Variants in RSPH9 observed in about 807,000 individuals in gnomAD.
RSPH9 encodes radial spoke head component 9.
A neutral mutation model predicts 27.0 loss-of-function variants in RSPH9; 27 were observed. That is an observed-to-expected ratio of 1.00 (90% confidence interval 0.74 to 1.38). RSPH9 has a LOEUF of 1.38. Ranked by LOEUF, RSPH9 falls within the 40% of genes most tolerant of loss-of-function variation. RSPH9 has a pLI of 0.00. For synonymous variants in RSPH9, 145 were observed against 147.7 expected (o/e 0.98, Z 0.13); for missense variants, 347 against 357.4 (o/e 0.97, Z 0.24).
chr6:43,670,852 C>T lies in RSPH9; in HGVS notation c.734C>T (p.Pro245Leu), dbSNP rs894482674. The change falls in exon 5 of 5, where the codon CCG becomes CTG. Residue 245 changes from proline to leucine, a missense_variant. Coordinates refer to ENST00000372163, the MANE Select transcript of RSPH9 (RefSeq NM_152732.5). ...GTGGTGCTGCGCAGCCTGCTCTGGC[C>T]GGGCCTCACCTTCTACCATGCTCCC... is the stretch of plus-strand genomic sequence containing the variant. ...ALVVLRSLLW[P>L]GLTFYHAPRT... 8.7e-6 allele frequency: 14 copies of T among 1,614,074 alleles called. No individual in the cohort carries two copies. The highest frequency in any genetic ancestry group is 2.2e-5 in the East Asian group (1 of 44,886).
At chr6:43,656,017 C>CTTCCTTCCTTCT (rs1444706347) in intron 3 of RSPH9, among the ~76,000 whole-genome samples, 1 of 132,978 alleles carries the variant, frequency 7.5e-6, no homozygotes, top group African/African-American at 3.4e-5. Context: ...TCCTTCCTTC[C>CTTCCTTCCTTCT]TTCCTTCCTT....
At chr6:43,664,259 C>A (rs1028685015) in intron 4 of RSPH9, among the ~76,000 whole-genome samples, 10 of 152,052 alleles carry the variant, frequency 6.6e-5, no homozygotes, top group African/African-American at 2.4e-4. Flanking sequence ...TTATTTGAGA[C>A]GGAGTTTCTC....
intron 1 of RSPH9, 119 bp from the exon 2 acceptor site, chr6:43,650,256 A>G: frequency 1.7e-6 from 2 of 1,175,672 alleles, no homozygotes; most frequent in Non-Finnish European, 2.5e-6. Flanking sequence ...CATTGGGAGG[A>G]AAGGTGGCCA....
In RSPH9 at chr6:43,648,830, T is replaced by C. The variant is rs969491952; in HGVS notation, c.228-1545T>C. Among the ~76,000 whole-genome samples the C allele has an allele frequency of 3.9e-5, 6 of 152,104 alleles. No homozygotes were observed. In the South Asian group the frequency reaches 6.2e-4, roughly 16 times the overall value. ...GCTCTGGAAGGCAGGTGGGAAAGAT[T>C]GCAAAAAGAAAAGAGGGGTGAGAAT... is the stretch of plus-strand genomic sequence containing the variant. On this transcript the variant is annotated intron_variant, in intron 1 of 4. Transcript: ENST00000372163.
At position 43,645,104 on chromosome 6, in the gene RSPH9, C is replaced by G; in HGVS notation, c.6C>G (p.Asp2Glu). The change falls in exon 1 of 5, where the codon GAC becomes GAG. Residue 2 changes from aspartate (D) to glutamate (E), a missense_variant. By Grantham distance (45) the Asp-to-Glu change is conservative. Transcript: ENST00000372163. The stretch of plus-strand genomic sequence containing the variant: ...TGAGCGGAGCCGCTGACCTGATGGA[C>G]GCCGACAGCCTCCTGCTGTCTCTGG... Reference protein sequence around the residue: MDADSLLLSLEL... With the variant: MEADSLLLSLEL... 1 of 1,611,306 alleles carries G rather than the reference C, an allele frequency of 6.2e-7. No individual in the cohort carries two copies. The highest frequency in any genetic ancestry group is 1.3e-5 in the African/African-American group (1 of 75,064).
Position 43,671,963 on chromosome 6 carries a change from G to A in RSPH9, c.*1014G>A. 6.6e-7 allele frequency: 1 copy of A among 1,509,246 alleles called. No homozygotes were observed. Among genetic ancestry groups the A allele is most frequent in the South Asian group, 1.3e-5 (1 of 76,410 alleles). 93.5% of individuals were successfully genotyped at this position (1,509,246 alleles called of 1,614,324 possible). On this transcript the variant is annotated 3_prime_UTR_variant, in exon 5 of 5. Coordinates refer to ENST00000372163, the MANE Select transcript of RSPH9 (RefSeq NM_152732.5). ...GGGCTGGGGGCCCAAGCTGGACGTG[G>A]GAGAGTGGAGCACTACCTCCTCAGG...
At chr6:43,647,142 A>T (rs1395738082) in intron 1 of RSPH9, among the ~76,000 whole-genome samples, 1 of 136,120 alleles carries the variant, frequency 7.3e-6, no homozygotes, top group African/African-American at 2.5e-5. Flanking sequence ...ACAAATAAAT[A>T]AATAAATAAA....
chr6:43,671,145 G>C lies in RSPH9; in HGVS notation c.*196G>C. On this transcript the variant is annotated 3_prime_UTR_variant, in exon 5 of 5. Coordinates refer to ENST00000372163, the MANE Select transcript of RSPH9 (RefSeq NM_152732.5). ...GGGGTTGGAATGTGCTAATGAAAGA[G>C]ATTCTAGACAACGATGGGTGGAAAT... 2 of 648,128 alleles carry C rather than the reference G, an allele frequency of 3.1e-6. No individual in the cohort carries two copies. The highest frequency in any genetic ancestry group is 4.0e-5 in the South Asian group (2 of 50,356). 40.1% of individuals were successfully genotyped at this position (648,128 alleles called of 1,614,324 possible). A position where few individuals can be genotyped will look rare whatever the true frequency, so the allele number is the denominator to read the frequency against.
intron 2 of RSPH9, among the ~76,000 whole-genome samples, chr6:43,651,050 C>T (rs1349974525): frequency 1.3e-5 from 2 of 151,882 alleles, no homozygotes; most frequent in Admixed American, 1.3e-4. Context: ...CCGCCTCAGC[C>T]TCCCAAGTAG....
chr6:43,654,916 G>A (rs891004484), intron 2 of RSPH9, among the ~76,000 whole-genome samples: 3 of 152,202 alleles, frequency 2.0e-5, no homozygotes, highest in Non-Finnish European at 4.4e-5. Flanking sequence ...AGGAGGCTGA[G>A]GTGGGAGGAT....
chr6:43,662,967 C>T (rs565269722), intron 4 of RSPH9, among the ~76,000 whole-genome samples: 5 of 132,690 alleles, frequency 3.8e-5, no homozygotes, highest in Non-Finnish European at 6.0e-5. Flanking sequence ...CCATACCTGG[C>T]ATTTTTTTTT....
chr6:43,661,516 C>T (rs1354345318), intron 4 of RSPH9, among the ~76,000 whole-genome samples: 3 of 152,014 alleles, frequency 2.0e-5, no homozygotes, highest in Admixed American at 6.6e-5. Flanking sequence ...CAAAAATTAG[C>T]CGGGCATGGT....
chr6:43,670,745 G>C (rs1166789288), intron 4 of RSPH9, 44 bp from the exon 5 acceptor site: 9 of 1,586,100 alleles, frequency 5.7e-6, no homozygotes, highest in East Asian at 2.2e-5. Context: ...CAGAGCTGTG[G>C]CTCCAGCAGC....
At chr6:43,651,173 A>G (rs922457758) in intron 2 of RSPH9, among the ~76,000 whole-genome samples, 21 of 152,118 alleles carry the variant, frequency 1.4e-4, no homozygotes, top group African/African-American at 4.6e-4. Context: ...CTGTGCCTGT[A>G]TCATCTCATT....
intron 4 of RSPH9, among the ~76,000 whole-genome samples, chr6:43,668,156 A>G (rs1289768944): frequency 6.6e-6 from 1 of 152,182 alleles, no homozygotes; most frequent in Middle Eastern, 3.2e-3. Context: ...CCAAGTCTGC[A>G]GGGGGCTTTT....
At chr6:43,656,889 C>T (rs1278907499) in intron 4 of RSPH9, among the ~76,000 whole-genome samples, 166 bp downstream of exon 4, 1 of 152,154 alleles carries the variant, frequency 6.6e-6, no homozygotes, top group Non-Finnish European at 1.5e-5. Context: ...GCTTATAGTA[C>T]ACACTGATGA....
At chr6:43,666,203 G>A (rs757849994) in intron 4 of RSPH9, among the ~76,000 whole-genome samples, 6 of 152,232 alleles carry the variant, frequency 3.9e-5, no homozygotes, top group Admixed American at 2.6e-4. Flanking sequence ...ACAGGAGAGC[G>A]GACAGCTCTG....
chr6:43,666,832 C>T (rs1274198170), intron 4 of RSPH9, among the ~76,000 whole-genome samples: 1 of 152,194 alleles, frequency 6.6e-6, no homozygotes, highest in Non-Finnish European at 1.5e-5. Flanking sequence ...ATTACAACCT[C>T]TGCCTCCTGG....
At position 43,655,988 on chromosome 6, in the gene RSPH9, A is replaced by ACTTC. The variant is rs70993404; in HGVS notation, c.523+343_523+346dup. Among the ~76,000 whole-genome samples, 13,587 of 113,396 alleles carry ACTTC rather than the reference A, an allele frequency of 0.12. 1,116 individuals carry two copies. Among genetic ancestry groups the ACTTC allele is most frequent in the Non-Finnish European group, 0.14 (7,799 of 55,184 alleles). 74.4% of individuals were successfully genotyped at this position (113,396 alleles called of 152,430 possible). ...CTTTTCCTATCTCCTTCCTCCTTGG[A>ACTTC]CTTCCTTCCTTCCTTCCTTCCTTCC... On this transcript the variant is annotated intron_variant, in intron 3 of 4. Coordinates refer to ENST00000372163, the MANE Select transcript of RSPH9 (RefSeq NM_152732.5).
Sources: gnomAD v4.1 joint callset for allele counts (sites outside exome capture counted in the v4.1 genomes callset) on GRCh38, gnomAD v4.1.1 for gene constraint, MANE v1.5 for transcripts, NCBI Gene and HGNC (gene_info 2026-07-23, HGNC 2026-07-21) for gene names.